The following FOCAD variants were observed in gnomAD, a reference collection of about 807,000 sequenced individuals.
FOCAD encodes KIAA1797.
Under a neutral mutation model 225.6 loss-of-function variants are expected in FOCAD, and 198 were observed. The observed-to-expected ratio is 0.88, with a 90% confidence interval of 0.78 to 0.99. The LOEUF (loss-of-function observed/expected upper bound fraction) is 0.99. Among genes scored for constraint, FOCAD ranks in the 50% least tolerant of loss-of-function variants. FOCAD has a pLI of 0.00. For synonymous variants in FOCAD, 897 were observed against 755.0 expected (o/e 1.19, Z -3.08); for missense variants, 2,713 against 2,123.6 (o/e 1.28, Z -5.46).
intron 5 of FOCAD, among the ~76,000 whole-genome samples, chr9:20,754,899 T>C (rs1022353115): frequency 6.6e-6 from 1 of 152,226 alleles, no homozygotes; most frequent in Non-Finnish European, 1.5e-5. Flanking sequence ...ACATCCATTA[T>C]ATTACGTGAG....
chr9:20,709,382 A>G (rs1238022738), intron 1 of FOCAD, among the ~76,000 whole-genome samples: 3 of 152,176 alleles, frequency 2.0e-5, no homozygotes, highest in Non-Finnish European at 2.9e-5. Context: ...GTAAAATGGC[A>G]TGACAAGAAG....
At chr9:20,827,106 A>G (rs901835660) in intron 15 of FOCAD, among the ~76,000 whole-genome samples, 1 of 152,110 alleles carries the variant, frequency 6.6e-6, no homozygotes, top group Non-Finnish European at 1.5e-5. Context: ...GTTTAAGTAT[A>G]TTCAGAGAGT....
At chr9:20,806,034 CT>C (rs1226872739) in intron 11 of FOCAD, among the ~76,000 whole-genome samples, 2 of 152,108 alleles carry the variant, frequency 1.3e-5, no homozygotes, top group Non-Finnish European at 2.9e-5. Flanking sequence ...CTCTTTGAAA[CT>C]GTTCAAAAGC....
At chr9:20,786,309 G>A (rs772094297) in intron 10 of FOCAD, among the ~76,000 whole-genome samples, 3 of 152,136 alleles carry the variant, frequency 2.0e-5, no homozygotes, top group Non-Finnish European at 4.4e-5. Context: ...AACTTAAAAA[G>A]GAATTAGTAA....
chr9:20,810,977 C>A (rs1212160799), intron 11 of FOCAD, among the ~76,000 whole-genome samples: 1 of 151,966 alleles, frequency 6.6e-6, no homozygotes, highest in African/African-American at 2.4e-5. Flanking sequence ...ATCCTAGTAA[C>A]CTTTATTGGA....
At chr9:20,800,280 A>G (rs573262511) in intron 11 of FOCAD, among the ~76,000 whole-genome samples, 21 of 151,642 alleles carry the variant, frequency 1.4e-4, no homozygotes, top group African/African-American at 4.6e-4. Context: ...TTCCCTTAAC[A>G]TTTTTTCCTT....
chr9:20,786,920 A>G, intron 10 of FOCAD: 1 of 389,192 alleles, frequency 2.6e-6, no homozygotes. Context: ...TCTAAAAGCA[A>G]AGCTTACTAG....
chr9:20,967,684 C>T (rs192092190), intron 35 of FOCAD, among the ~76,000 whole-genome samples: 34 of 152,030 alleles, frequency 2.2e-4, no homozygotes, highest in Admixed American at 5.9e-4. Flanking sequence ...TGTTTTTTAT[C>T]GGAAAAGGGT....
In FOCAD at chr9:20,926,300, G is replaced by A. The variant is rs1834936272; in HGVS notation, c.2962-1G>A. 6.4e-7 allele frequency: 1 copy of A among 1,567,040 alleles called. No individual in the cohort carries two copies. The highest frequency in any genetic ancestry group is 1.4e-5 in the African/African-American group (1 of 73,770). The stretch of plus-strand genomic sequence containing the variant: ...ATTTCATGTTTTTAATTCATCTGCA[G>A]GTTCAACCTAATTTCCTTTCAATGA... On this transcript the variant is annotated splice_acceptor_variant, in intron 25 of 43. Coordinates refer to ENST00000338382, the MANE Select transcript of FOCAD (RefSeq NM_001375567.1). LOFTEE classifies it high-confidence loss of function.
At chr9:20,815,672 T>G (rs1398630377) in intron 11 of FOCAD, among the ~76,000 whole-genome samples, 1 of 152,076 alleles carries the variant, frequency 6.6e-6, no homozygotes, top group African/African-American at 2.4e-5. Flanking sequence ...ACTTAAACGC[T>G]GGAGGAGGGA....
At chr9:20,693,935 T>C (rs1823135701) in intron 1 of FOCAD, among the ~76,000 whole-genome samples, 2 of 152,322 alleles carry the variant, frequency 1.3e-5, no homozygotes, top group East Asian at 3.9e-4. Context: ...AGTCTCGAAC[T>C]CTTGACTTCA....
intron 18 of FOCAD, 42 bp downstream of exon 18, chr9:20,867,054 A>G (rs1829349425): frequency 7.4e-7 from 1 of 1,344,848 alleles, no homozygotes; most frequent in Non-Finnish European, 1.0e-6. Context: ...TTAATTTGCT[A>G]GGGTTTACAA....
intron 1 of FOCAD, among the ~76,000 whole-genome samples, chr9:20,694,987 T>C (rs942520777): frequency 2.0e-5 from 3 of 152,226 alleles, no homozygotes; most frequent in Non-Finnish European, 4.4e-5. Flanking sequence ...TAGTCACTTA[T>C]TCTGTACAAT....
chr9:20,719,707 A>G (rs777530298), intron 3 of FOCAD, among the ~76,000 whole-genome samples: 3 of 150,344 alleles, frequency 2.0e-5, no homozygotes, highest in Non-Finnish European at 3.0e-5. Flanking sequence ...CTCTTCTATC[A>G]GTGAAGACAG....
intron 21 of FOCAD, among the ~76,000 whole-genome samples, chr9:20,902,185 C>G (rs1035883158): frequency 6.6e-6 from 1 of 151,782 alleles, no homozygotes; most frequent in African/African-American, 2.4e-5. Context: ...GACCTCTGCT[C>G]CTTAGGATTG....
intron 21 of FOCAD, among the ~76,000 whole-genome samples, chr9:20,897,418 T>C (rs1832185928): frequency 6.6e-6 from 1 of 151,738 alleles, no homozygotes; most frequent in African/African-American, 2.4e-5. Flanking sequence ...TACTGTTTTT[T>C]TTTTCTGTTT....
intron 21 of FOCAD, among the ~76,000 whole-genome samples, chr9:20,889,644 C>T (rs1037415023): frequency 8.5e-5 from 13 of 152,156 alleles, no homozygotes; most frequent in Middle Eastern, 3.2e-3. Flanking sequence ...GAATAACTTT[C>T]GCTTTATAAT....
chr9:20,838,792 GT>G lies in FOCAD; in HGVS notation c.1920+15680del, dbSNP rs950003330. 3.3e-5 allele frequency among the ~76,000 whole-genome samples: 5 copies of G among 152,106 alleles called. No individual in the cohort carries two copies. In the East Asian group the frequency reaches 9.6e-4, roughly 29 times the overall value. On this transcript the variant is annotated intron_variant, in intron 15 of 43. Transcript: ENST00000338382. ...CCCCATGACTTTGATGTTTAGTGAA[GT>G]TTGGGACCATTCTTAAGAACACCAG...
intron 15 of FOCAD, among the ~76,000 whole-genome samples, chr9:20,861,075 C>T (rs1354445510): frequency 2.6e-5 from 4 of 152,136 alleles, no homozygotes; most frequent in African/African-American, 4.8e-5. Context: ...CAGGTCTTAT[C>T]ATCTCTTGAT....
Sources: allele counts gnomAD v4.1 joint callset (sites outside exome capture counted in the v4.1 genomes callset), GRCh38; gene constraint gnomAD v4.1.1; transcripts MANE v1.5; gene names NCBI Gene and HGNC (gene_info 2026-07-23, HGNC 2026-07-21).